The following WDR62 variants were observed in gnomAD, a reference collection of about 807,000 sequenced individuals.
WDR62 encodes the protein WD repeat domain 62.
WDR62 carries 112 observed loss-of-function variants against 160.6 expected under a neutral mutation model. The ratio of observed to expected loss-of-function variants is 0.70; its 90% CI spans 0.60 to 0.82. WDR62 has a LOEUF of 0.82. Ranked by LOEUF, WDR62 falls within the 40% of genes least tolerant of loss-of-function variation. WDR62 has a pLI of 0.00. For synonymous variants in WDR62, 792 were observed against 815.1 expected (o/e 0.97, Z 0.48); for missense variants, 1,819 against 1,983.8 (o/e 0.92, Z 1.58).
intron 20 of WDR62, among the ~76,000 whole-genome samples, chr19:36,094,415 G>A (rs979229263): frequency 1.3e-5 from 2 of 151,998 alleles, no homozygotes; most frequent in Non-Finnish European, 1.5e-5. Flanking sequence ...TTAGCCGGGC[G>A]TGGTGGCGTG....
At chr19:36,068,044 ACT>A in intron 7 of WDR62, 34 bp downstream of exon 7, 1 of 1,600,350 alleles carries the variant, frequency 6.2e-7, no homozygotes, top group Non-Finnish European at 8.5e-7. Context: ...AGCTGGACAG[ACT>A]CTTTCTCGTG....
At position 36,060,046 on chromosome 19, in the gene WDR62, G is replaced by A. The variant is rs1480145837; in HGVS notation, c.332+16G>A. On this transcript the variant is annotated intron_variant, in intron 3 of 31. Transcript: ENST00000401500. ...ACACCGCCAGGTAGGCTGAGGCCTG[G>A]GCCCGGGGCAGGGGTGGAACCAGGG... 1 of 1,614,120 alleles carries A rather than the reference G, an allele frequency of 6.2e-7. No homozygotes were observed. The highest frequency in any genetic ancestry group is 8.5e-7 in the Non-Finnish European group (1 of 1,179,992).
intron 9 of WDR62, chr19:36,075,236 G>C (rs1240417092): frequency 6.6e-6 from 1 of 151,810 alleles, no homozygotes; most frequent in Admixed American, 6.6e-5. Flanking sequence ...GTTTCTCCTT[G>C]TTGGTCAGGC....
rs761204875 is a variant in WDR62 at position 36,073,427 on chromosome 19, G to T, written c.1129G>T (p.Val377Leu). Residue 377 changes from valine (V) to leucine (L), a missense_variant, in exon 9 of 32, where the codon GTG becomes TTG. By Grantham distance (32) the Val-to-Leu change is conservative (BLOSUM62 1). Around this residue, in one of 3 missense-constraint regions of WDR62, gnomAD observed 934 missense variants for 1,157.2 expected, o/e 0.81. Coordinates refer to ENST00000401500, the MANE Select transcript of WDR62 (RefSeq NM_001083961.2). The stretch of plus-strand genomic sequence containing the variant: ...CCCCATCCACCAGTGGCTGTCCTGC[G>T]TGTATAAGGACCACAGCATCTACAT... ...FDPIHQWLSC[V>L]YKDHSIYIWD... The T allele has an allele frequency of 4.3e-6, 7 of 1,613,988 alleles. No homozygotes were observed. The highest frequency in any genetic ancestry group is 3.3e-4 in the Middle Eastern group (2 of 6,084).
chr19:36,062,913 G>A lies in WDR62; in HGVS notation c.332+2883G>A, dbSNP rs983682243. ...TCCCCTCAGTCTCTTTCAGGCTGAC[G>A]TGGCTCCTCTGTCTTTTCTTGACTT... On this transcript the variant is annotated intron_variant, in intron 3 of 31. Transcript: ENST00000401500. 7.8e-4 allele frequency among the ~76,000 whole-genome samples: 119 copies of A among 151,852 alleles called. 2 individuals carry two copies. Among genetic ancestry groups the A allele is most frequent in the Non-Finnish European group, 2.8e-4 (19 of 67,984 alleles).
intron 21 of WDR62, among the ~76,000 whole-genome samples, chr19:36,097,841 C>T (rs185588353): frequency 7.2e-4 from 110 of 152,060 alleles, no homozygotes; most frequent in Non-Finnish European, 1.0e-4. Context: ...CTGCACTCCA[C>T]AGCACTCCAG....
At chr19:36,089,781 C>A (rs1972478322) in intron 15 of WDR62, among the ~76,000 whole-genome samples, 1 of 152,206 alleles carries the variant, frequency 6.6e-6, no homozygotes, top group South Asian at 2.1e-4. Context: ...CTCTCCCAAG[C>A]CTGGCCTCCA....
At chr19:36,066,631 T>C (rs140751935) in intron 5 of WDR62, among the ~76,000 whole-genome samples, 128 of 152,368 alleles carry the variant, frequency 8.4e-4, no homozygotes, top group African/African-American at 2.8e-3. Context: ...CATATTTTTA[T>C]ATTGACCAGC....
At chr19:36,102,926 C>A in intron 27 of WDR62, 22 bp from the exon 28 acceptor site, 1 of 1,614,156 alleles carries the variant, frequency 6.2e-7, no homozygotes, top group Non-Finnish European at 8.5e-7. Context: ...GAGAATCATC[C>A]CCCCTGCTCT....
At chr19:36,106,154 C>G (rs1334111457), downstream of WDR62, among the ~76,000 whole-genome samples, 2 of 152,196 alleles carry the variant, frequency 1.3e-5, no homozygotes, top group African/African-American at 4.8e-5. Context: ...CCCAGCACTG[C>G]TACCAGCTCC....
Position 36,103,399 on chromosome 19 carries a change from G to C in WDR62, c.3571G>C (p.Asp1191His). Residue 1191 changes from aspartate to histidine, a missense_variant, in exon 30 of 32, where the codon GAC (aspartate) becomes CAC (histidine). By Grantham distance (81) the Asp-to-His change is moderately conservative (BLOSUM62 -1). This residue lies in a region of WDR62 where 770 missense variants were observed against 734.2 expected (regional missense o/e 1.05). Transcript: ENST00000401500. Reference protein sequence around the residue: ...CVPASSVLPTDRNLPTPTSAP... With the variant: ...CVPASSVLPTHRNLPTPTSAP... ...CCCTGCTTCCTCCGTGCTGCCCACA[G>C]ACAGGAATCTCCCAACGCCCACATC... The C allele has an allele frequency of 3.7e-6, 6 of 1,614,144 alleles. No homozygotes were observed. The highest frequency in any genetic ancestry group is 5.1e-6 in the Non-Finnish European group (6 of 1,180,024).
At position 36,103,355 on chromosome 19, in the gene WDR62, C is replaced by G. The variant is rs774735502; in HGVS notation, c.3527C>G (p.Thr1176Arg). Residue 1176 changes from threonine (T) to arginine (R), a missense_variant, in exon 30 of 32, where the codon ACG becomes AGG. Transcript: ENST00000401500. ...GCTTCCGTTACAGCTCCCTGCCTTA[C>G]GAGCCTGGCGTCCTGTGTCCCTGCT... ...EAWRPPPPCL[T>R]SLASCVPASS... The G allele has an allele frequency of 6.2e-7, 1 of 1,614,048 alleles. No individual in the cohort carries two copies. Among genetic ancestry groups the G allele is most frequent in the Non-Finnish European group, 8.5e-7 (1 of 1,180,030 alleles).
At chr19:36,067,748 G>A in intron 6 of WDR62, 80 bp from the exon 7 acceptor site, 1 of 1,506,382 alleles carries the variant, frequency 6.6e-7, no homozygotes, top group Non-Finnish European at 9.2e-7. Context: ...GAGTTCTCCT[G>A]TTTTGTTGTG....
At chr19:36,093,619 G>C (rs1972772507) in intron 19 of WDR62, among the ~76,000 whole-genome samples, 1 of 152,126 alleles carries the variant, frequency 6.6e-6, no homozygotes, top group African/African-American at 2.4e-5. Flanking sequence ...TCTTGCTTTT[G>C]AGGCTCCCAC....
At chr19:36,081,624 A>G (rs1428477029) in intron 10 of WDR62, 54 bp downstream of exon 10, 1 of 1,613,100 alleles carries the variant, frequency 6.2e-7, no homozygotes. Context: ...ACCTACTGTA[A>G]GCTTGAATGC....
intron 9 of WDR62, chr19:36,076,124 A>G (rs930948429): frequency 6.6e-6 from 1 of 152,216 alleles, no homozygotes; most frequent in Non-Finnish European, 1.5e-5. Flanking sequence ...GCCTCTTAAC[A>G]TTGGCTCCTG....
intron 12 of WDR62, among the ~76,000 whole-genome samples, chr19:36,085,596 C>T (rs1309371913): frequency 2.0e-5 from 3 of 151,840 alleles, no homozygotes; most frequent in East Asian, 1.9e-4. Flanking sequence ...CACGCCCCCA[C>T]CACACCCGGC....
chr19:36,092,353 A>G (rs1972671357), intron 18 of WDR62, among the ~76,000 whole-genome samples: 1 of 151,582 alleles, frequency 6.6e-6, no homozygotes, highest in African/African-American at 2.4e-5. Context: ...AATGAATGAG[A>G]TGATATACAT....
At position 36,073,479 on chromosome 19, in the gene WDR62, T is replaced by C. The variant is rs1971408453; in HGVS notation, c.1181T>C (p.Val394Ala). Reference protein sequence around the residue: ...YIWDVKDINRVGKVWSELFHS... With the variant: ...YIWDVKDINRAGKVWSELFHS... ...TGGGATGTCAAGGACATCAACAGAGTGGGCAAGGTGTGGTCAGAGCTCTTC... is the reference window on the plus strand; with the variant it reads ...TGGGATGTCAAGGACATCAACAGAGCGGGCAAGGTGTGGTCAGAGCTCTTC... Residue 394 changes from valine (V) to alanine (A), a missense_variant, in exon 9 of 32, where the codon GTG (valine) becomes GCG (alanine). This residue lies in a region of WDR62 where 934 missense variants were observed against 1,157.2 expected (regional missense o/e 0.81). Transcript: ENST00000401500. The C allele has an allele frequency of 1.9e-6, 3 of 1,613,916 alleles. No homozygotes were observed. Among genetic ancestry groups the C allele is most frequent in the Non-Finnish European group, 2.5e-6 (3 of 1,179,990 alleles).
Sources: allele counts gnomAD v4.1 joint callset (sites outside exome capture counted in the v4.1 genomes callset), GRCh38; gene constraint gnomAD v4.1.1; regional missense constraint gnomAD v4.1.1; transcripts MANE v1.5; gene names NCBI Gene and HGNC (gene_info 2026-07-23, HGNC 2026-07-21).